The following SHTN1 variants were observed in gnomAD, a reference collection of about 807,000 sequenced individuals.
The protein encoded by SHTN1 is shootin-1.
In SHTN1, 42 loss-of-function variants were observed where a neutral mutation model predicts 83.1. The observed-to-expected ratio is 0.51, with a 90% CI of 0.39 to 0.65. SHTN1 has a LOEUF of 0.65. Ranked by LOEUF, SHTN1 falls within the 30% of genes least tolerant of loss-of-function variation. The pLI, the probability that SHTN1 is intolerant of heterozygous loss-of-function variation, is 0.00. For synonymous variants in SHTN1, 224 were observed against 247.7 expected (o/e 0.90, Z 0.90); for missense variants, 622 against 737.8 (o/e 0.84, Z 1.82).
At chr10:116,938,458 A>G (rs1192355566) in intron 9 of SHTN1, among the ~76,000 whole-genome samples, 2 of 152,160 alleles carry the variant, frequency 1.3e-5, no homozygotes, top group African/African-American at 4.8e-5. Context: ...CTGGAGGTCC[A>G]CTGCTGACCC....
intron 2 of SHTN1, among the ~76,000 whole-genome samples, chr10:117,015,395 G>C (rs148939637): frequency 0.023 from 3,458 of 152,252 alleles, 128 homozygotes; most frequent in African/African-American, 0.078. Context: ...GCAATGGCAC[G>C]ATCTCAGCTC....
intron 1 of SHTN1, among the ~76,000 whole-genome samples, chr10:116,996,323 A>C (rs1292148643): frequency 6.6e-6 from 1 of 152,146 alleles, no homozygotes; most frequent in Admixed American, 6.5e-5. Flanking sequence ...TGAGTCTCCA[A>C]ACTAACATTT....
chr10:116,971,983 C>T (rs1850634861), intron 2 of SHTN1, among the ~76,000 whole-genome samples: 1 of 152,140 alleles, frequency 6.6e-6, no homozygotes, highest in South Asian at 2.1e-4. Context: ...CTGAAAAAGG[C>T]CACCAGTTGA....
chr10:116,895,374 CAGCCCTTTAT>C (rs1386538106), intron 16 of SHTN1, among the ~76,000 whole-genome samples: 2 of 152,210 alleles, frequency 1.3e-5, no homozygotes, highest in Admixed American at 1.3e-4. Context: ...TTTTGAAGCA[CAGCCCTTTAT>C]TGGACATTTG....
In SHTN1 at chr10:117,045,782, A is replaced by G. The variant is rs909023184; in HGVS notation, c.-123+2663T>C. Among the ~76,000 whole-genome samples the G allele has an allele frequency of 5.3e-5, 8 of 152,302 alleles. No homozygotes were observed. In the East Asian group the frequency reaches 1.4e-3, roughly 26 times the overall value. ...CTTAAAGAGACAGAGTAAGCATCACAACCAGACTCAGCTTTTTAAATTTTC... is the reference window on the plus strand; with the variant it reads ...CTTAAAGAGACAGAGTAAGCATCACGACCAGACTCAGCTTTTTAAATTTTC... On this transcript the variant is annotated intron_variant, in intron 2 of 17. Transcript: ENST00000392901.
intron 2 of SHTN1, among the ~76,000 whole-genome samples, chr10:116,978,335 A>C (rs921879118): frequency 5.8e-4 from 89 of 152,210 alleles, no homozygotes; most frequent in African/African-American, 2.1e-3. Flanking sequence ...AATTTTAAAA[A>C]TGAGGTTTCA....
At chr10:116,905,644 T>A (rs1440189051) in intron 15 of SHTN1, among the ~76,000 whole-genome samples, 3 of 152,188 alleles carry the variant, frequency 2.0e-5, no homozygotes, top group African/African-American at 7.2e-5. Flanking sequence ...ATCTTTAATA[T>A]TCTTGCTACT....
intron 9 of SHTN1, among the ~76,000 whole-genome samples, chr10:116,931,135 C>CAAAA (rs57720678): frequency 1.9e-4 from 25 of 131,166 alleles, no homozygotes; most frequent in East Asian, 1.3e-3. Context: ...CAAAAGTCTT[C>CAAAA]AAAAAAAAAA....
chr10:117,117,709 A>G (rs1322079853), intron 1 of SHTN1, among the ~76,000 whole-genome samples: 1 of 152,208 alleles, frequency 6.6e-6, no homozygotes, highest in East Asian at 1.9e-4. Flanking sequence ...GACCAAGGAA[A>G]CAGAATAAAG....
At chr10:117,000,578 T>C (rs2133537435) in intron 1 of SHTN1, among the ~76,000 whole-genome samples, 1 of 152,312 alleles carries the variant, frequency 6.6e-6, no homozygotes, top group African/African-American at 2.4e-5. Context: ...TATGTCCTTA[T>C]TATTAAATAG....
intron 7 of SHTN1, among the ~76,000 whole-genome samples, chr10:116,946,144 T>C (rs887592451): frequency 4.0e-5 from 6 of 151,160 alleles, no homozygotes; most frequent in South Asian, 2.1e-4. Flanking sequence ...TACCAGCAAG[T>C]ATAAAGAGAT....
intron 1 of SHTN1, among the ~76,000 whole-genome samples, chr10:117,062,987 T>C (rs1400190709): frequency 6.6e-6 from 1 of 152,198 alleles, no homozygotes; most frequent in African/African-American, 2.4e-5. Flanking sequence ...GGCTTTAAGT[T>C]GAGTGACTGG....
chr10:117,113,761 T>A (rs548419270), intron 1 of SHTN1, among the ~76,000 whole-genome samples: 2 of 152,144 alleles, frequency 1.3e-5, no homozygotes, highest in East Asian at 3.9e-4. Context: ...AAAAGTCAGC[T>A]GGGGATGGGC....
chr10:116,976,864 CTTTCA>C (rs1850826105), intron 2 of SHTN1, among the ~76,000 whole-genome samples: 1 of 152,278 alleles, frequency 6.6e-6, no homozygotes, highest in Admixed American at 6.5e-5. Flanking sequence ...TTCCATATTG[CTTTCA>C]TTTCTTTTCT....
At chr10:116,954,007 A>G in intron 5 of SHTN1, 35 bp downstream of exon 5, 1 of 1,564,028 alleles carries the variant, frequency 6.4e-7, no homozygotes, top group Non-Finnish European at 8.7e-7. Flanking sequence ...TAACGGGGTA[A>G]AAAATATGCT....
At chr10:116,986,716 C>CTTT (rs869306412) in intron 1 of SHTN1, among the ~76,000 whole-genome samples, 4 of 75,878 alleles carry the variant, frequency 5.3e-5, no homozygotes, top group Admixed American at 1.6e-4. Flanking sequence ...ACCCAGTATC[C>CTTT]TTTTTTTTTT....
At chr10:116,982,014 C>A (rs892006114) in intron 1 of SHTN1, among the ~76,000 whole-genome samples, 8 of 152,268 alleles carry the variant, frequency 5.3e-5, no homozygotes, top group South Asian at 4.1e-4. Context: ...GCCAAGATTG[C>A]ACCACTGTAT....
intron 1 of SHTN1, among the ~76,000 whole-genome samples, chr10:117,108,596 T>C (rs1475723484): frequency 6.8e-6 from 1 of 147,566 alleles, no homozygotes. Flanking sequence ...TTAGGAGATA[T>C]ACCTAATGTA....
At chr10:116,956,971 A>G (rs1164363622) in intron 4 of SHTN1, among the ~76,000 whole-genome samples, 3 of 152,048 alleles carry the variant, frequency 2.0e-5, no homozygotes, top group African/African-American at 7.2e-5. Context: ...GTTAGAGTGC[A>G]GTGGTATGAT....
Sources: allele counts gnomAD v4.1 joint callset (sites outside exome capture counted in the v4.1 genomes callset), GRCh38; gene constraint gnomAD v4.1.1; transcripts MANE v1.5; gene names NCBI Gene and HGNC (gene_info 2026-07-23, HGNC 2026-07-21).